The following NDST4 variants were observed in gnomAD, a reference collection of about 807,000 sequenced individuals.
NDST4 encodes the protein N-heparan sulfate sulfotransferase 4.
In NDST4, 63 loss-of-function variants were observed where a neutral mutation model predicts 100.8. The observed-to-expected ratio is 0.62, with a 90% CI of 0.51 to 0.77. The LOEUF (loss-of-function observed/expected upper bound fraction) is 0.77. Among genes scored for constraint, NDST4 ranks in the 30% least tolerant of loss-of-function variants. The probability of loss-of-function intolerance (pLI) is 0.00; values close to 1 mark genes in which losing one functional copy is unlikely to be tolerated. For synonymous variants in NDST4, 377 were observed against 361.8 expected (o/e 1.04, Z -0.48); for missense variants, 943 against 1,018.4 (o/e 0.93, Z 1.01).
chr4:115,016,142 A>G (rs528942442), intron 2 of NDST4, among the ~76,000 whole-genome samples: 3 of 152,198 alleles, frequency 2.0e-5, no homozygotes, highest in African/African-American at 7.2e-5. Flanking sequence ...AAAGTGCAGT[A>G]ATGGGATTTT....
intron 6 of NDST4, among the ~76,000 whole-genome samples, chr4:114,931,063 C>T (rs1368980334): frequency 1.3e-5 from 2 of 152,026 alleles, no homozygotes; most frequent in Non-Finnish European, 2.9e-5. Flanking sequence ...AGTGTGCCTA[C>T]TGAGATCTCC....
rs1459669856 is a variant in NDST4, at chr4:115,009,712, G to T, written c.979-32438C>A. On this transcript the variant is annotated intron_variant, in intron 2 of 13. Transcript: ENST00000264363. The stretch of plus-strand genomic sequence containing the variant: ...GATCTAATTAAACTAAAGAGCTTCT[G>T]CACAGCAAAAGAAACTACCATCAGA... Among the ~76,000 whole-genome samples the T allele has an allele frequency of 8.7e-5, 10 of 114,928 alleles. 2 individuals carry two copies. Among genetic ancestry groups the T allele is most frequent in the Non-Finnish European group, 5.3e-5 (3 of 56,430 alleles). The allele number at this position is 114,928 out of a possible 152,430, so 75.4% of individuals were successfully genotyped here. A position where few individuals can be genotyped will look rare whatever the true frequency, so the allele number is the denominator to read the frequency against.
At chr4:114,948,730 T>G (rs1471972380) in intron 4 of NDST4, among the ~76,000 whole-genome samples, 1 of 152,052 alleles carries the variant, frequency 6.6e-6, no homozygotes, top group Admixed American at 6.6e-5. Flanking sequence ...GGAAACAATT[T>G]CTTATATTTG....
rs143773338 is a variant in NDST4, at chr4:115,016,050, T to C, written c.979-38776A>G. Among the ~76,000 whole-genome samples, 348 of 152,156 alleles carry C rather than the reference T, an allele frequency of 2.3e-3. 1 individual carries two copies. The highest frequency in any genetic ancestry group is 8.0e-3 in the African/African-American group (334 of 41,534). ...ATGCTTCTGCCAAAACTACCATCCG[T>C]GAACTTTTAGAATGCCTTATTTATA... On this transcript the variant is annotated intron_variant, in intron 2 of 13. Transcript: ENST00000264363.
chr4:115,019,633 C>A (rs1727764846), intron 2 of NDST4, among the ~76,000 whole-genome samples: 1 of 152,090 alleles, frequency 6.6e-6, no homozygotes, highest in African/African-American at 2.4e-5. Flanking sequence ...AATTTAAATT[C>A]ATCCCACTGT....
At chr4:114,927,559 T>C (rs1725411831) in intron 6 of NDST4, among the ~76,000 whole-genome samples, 1 of 152,102 alleles carries the variant, frequency 6.6e-6, no homozygotes. Flanking sequence ...GATTTGCTTT[T>C]TTAATTCTAA....
intron 8 of NDST4, among the ~76,000 whole-genome samples, chr4:114,851,011 T>C (rs1723665358): frequency 6.6e-6 from 1 of 152,182 alleles, no homozygotes. Flanking sequence ...TCTTCTGGGA[T>C]TCAGCAATGG....
intron 1 of NDST4, among the ~76,000 whole-genome samples, chr4:115,092,463 G>T (rs1241395414): frequency 8.3e-6 from 1 of 120,920 alleles, no homozygotes; most frequent in African/African-American, 2.7e-5. Context: ...GTTAAAAAAT[G>T]ATAAAATGTC....
At position 115,061,668 on chromosome 4, in the gene NDST4, C is replaced by T. The variant is rs368704429; in HGVS notation, c.978+14391G>A. On this transcript the variant is annotated intron_variant, in intron 2 of 13. Coordinates refer to ENST00000264363, the MANE Select transcript of NDST4 (RefSeq NM_022569.3). The stretch of plus-strand genomic sequence containing the variant: ...GGAGAGCATTAGGACAAATACCTAA[C>T]GCATGCGGGGCTTAAAACCTAGATG... 8.2e-4 allele frequency among the ~76,000 whole-genome samples: 125 copies of T among 151,862 alleles called. No individual in the cohort carries two copies. In the Middle Eastern group the frequency reaches 0.037, roughly 45 times the overall value.
chr4:115,111,639 C>T (rs1252605896), intron 1 of NDST4, among the ~76,000 whole-genome samples: 1 of 151,416 alleles, frequency 6.6e-6, no homozygotes, highest in Non-Finnish European at 1.5e-5. Context: ...GTTTTACCTT[C>T]CTTTTATTTA....
At chr4:114,956,106 C>T (rs1218928984) in intron 4 of NDST4, 3 of 152,316 alleles carry the variant, frequency 2.0e-5, no homozygotes, top group African/African-American at 7.2e-5. Context: ...TTAATTTTCC[C>T]TTGCCTCATC....
In NDST4 at chr4:115,032,137, A is replaced by G. The variant is rs1396051914; in HGVS notation, c.978+43922T>C. On this transcript the variant is annotated intron_variant, in intron 2 of 13. Coordinates refer to ENST00000264363, the MANE Select transcript of NDST4 (RefSeq NM_022569.3). ...TAATGACTTTGCAGAAACAAATCAC[A>G]TTTAAGCACACATGATGTTCTGTAG... Among the ~76,000 whole-genome samples, 3 of 152,220 alleles carry G rather than the reference A, an allele frequency of 2.0e-5. No homozygotes were observed. In the East Asian group the frequency reaches 5.8e-4, roughly 29 times the overall value.
At chr4:114,901,580 C>T (rs935670027) in intron 6 of NDST4, among the ~76,000 whole-genome samples, 8 of 151,946 alleles carry the variant, frequency 5.3e-5, no homozygotes, top group African/African-American at 1.9e-4. Flanking sequence ...TTTTTATCCA[C>T]TCTGACAATC....
chr4:115,040,425 C>T (rs1197801268), intron 2 of NDST4, among the ~76,000 whole-genome samples: 1 of 150,896 alleles, frequency 6.6e-6, no homozygotes, highest in African/African-American at 2.4e-5. Context: ...TCTAAGACTG[C>T]TGTGTTCATA....
intron 6 of NDST4, among the ~76,000 whole-genome samples, chr4:114,934,412 G>T (rs11940539): frequency 2.0e-5 from 3 of 151,850 alleles, no homozygotes; most frequent in Admixed American, 2.0e-4. Flanking sequence ...TTAGCCGGGC[G>T]TGGTGGTGGC....
intron 6 of NDST4, among the ~76,000 whole-genome samples, chr4:114,889,043 T>C (rs937277141): frequency 2.6e-5 from 4 of 152,126 alleles, no homozygotes; most frequent in East Asian, 1.9e-4. Context: ...CACATATATG[T>C]AGCAACACTA....
chr4:115,001,318 T>C (rs2583517), intron 2 of NDST4, among the ~76,000 whole-genome samples: 62,161 of 151,790 alleles, frequency 0.41, 13,742 homozygotes, highest in African/African-American at 0.58. Flanking sequence ...GACTCTTTCC[T>C]AGGTATGTAA....
chr4:114,928,120 A>G (rs1410758119), intron 6 of NDST4, among the ~76,000 whole-genome samples: 1 of 152,190 alleles, frequency 6.6e-6, no homozygotes, highest in Admixed American at 6.5e-5. Context: ...TTTAATCTTC[A>G]TATTAACTAA....
In NDST4 at chr4:115,005,995, G is replaced by T. The variant is rs1008415039; in HGVS notation, c.979-28721C>A. 3.2e-5 allele frequency among the ~76,000 whole-genome samples: 4 copies of T among 126,484 alleles called. No homozygotes were observed. The Admixed American group carries it at 3.9e-4, about 12-fold the overall frequency. The allele number at this position is 126,484 out of a possible 152,430, so 83.0% of individuals were successfully genotyped here. On this transcript the variant is annotated intron_variant, in intron 2 of 13. Transcript: ENST00000264363. ...TGCAGTGAGCTGAGATCGCGTCACT[G>T]CACTCCAGCCTGGGTGACAGAGTGA...
Sources: allele counts gnomAD v4.1 joint callset (sites outside exome capture counted in the v4.1 genomes callset), GRCh38; gene constraint gnomAD v4.1.1; transcripts MANE v1.5; gene names NCBI Gene and HGNC (gene_info 2026-07-23, HGNC 2026-07-21).